TENM4: variants seen among roughly 807,000 people sequenced by gnomAD.
TENM4 encodes teneurin transmembrane protein 4, also known as teneurin-4.
In TENM4, 82 loss-of-function variants were observed where a neutral mutation model predicts 243.3. That is an observed-to-expected ratio of 0.34 (90% CI 0.28 to 0.40). The LOEUF (loss-of-function observed/expected upper bound fraction) is 0.40. Among genes scored for constraint, TENM4 ranks in the 10% least tolerant of loss-of-function variants. The pLI, the probability that TENM4 is intolerant of heterozygous loss-of-function variation, is 1.00. For synonymous variants in TENM4, 1,412 were observed against 1,456.3 expected, an observed-to-expected ratio of 0.97 and a Z score of 0.69; for missense variants, 3,138 against 3,673.3, an observed-to-expected ratio of 0.85 and a Z score of 3.77.
chr11:79,040,326 A>G (rs1859488246), intron 6 of TENM4, among the ~76,000 whole-genome samples: 1 of 152,216 alleles, frequency 6.6e-6, no homozygotes, highest in African/African-American at 2.4e-5. Context: ...CGCTCAGCTC[A>G]GTTTCAACCA....
chr11:78,851,822 A>C (rs1379097004), intron 12 of TENM4, among the ~76,000 whole-genome samples: 3 of 152,216 alleles, frequency 2.0e-5, no homozygotes, highest in Admixed American at 6.5e-5. Flanking sequence ...TGTTAGCCTT[A>C]ATGTCACCAG....
chr11:79,243,316 TGTC>T (rs755427340), intron 2 of TENM4, among the ~76,000 whole-genome samples: 37 of 152,134 alleles, frequency 2.4e-4, no homozygotes, highest in Middle Eastern at 3.2e-3. Context: ...TGGGCTGTCT[TGTC>T]GTTGTACTCG....
At chr11:79,249,944 CA>C (rs1855581417) in intron 2 of TENM4, among the ~76,000 whole-genome samples, 1 of 152,182 alleles carries the variant, frequency 6.6e-6, no homozygotes, top group Non-Finnish European at 1.5e-5. Flanking sequence ...TTTTATTGTG[CA>C]TCAGTGATTC....
chr11:78,943,470 G>T (rs560103617), intron 6 of TENM4, among the ~76,000 whole-genome samples: 1 of 152,284 alleles, frequency 6.6e-6, no homozygotes, highest in Middle Eastern at 3.4e-3. Flanking sequence ...AACAAGTCTG[G>T]TCCCTTCCTA....
At chr11:78,659,043 G>C (rs1015813029) in intron 33 of TENM4, among the ~76,000 whole-genome samples, 1 of 152,126 alleles carries the variant, frequency 6.6e-6, no homozygotes, top group African/African-American at 2.4e-5. Flanking sequence ...AACTGTTCAG[G>C]GGGTATCTAA....
chr11:78,939,963 G>A (rs1304092229), intron 6 of TENM4, among the ~76,000 whole-genome samples: 2 of 151,448 alleles, frequency 1.3e-5, no homozygotes, highest in Non-Finnish European at 2.9e-5. Flanking sequence ...AGACTCTAAA[G>A]TAACATGTTT....
intron 12 of TENM4, among the ~76,000 whole-genome samples, chr11:78,830,025 C>G (rs1303891706): frequency 6.6e-6 from 1 of 152,190 alleles, no homozygotes; most frequent in African/African-American, 2.4e-5. Flanking sequence ...GATGATGTTT[C>G]TTCCGCCTAC....
chr11:78,882,166 G>C (rs539357271), intron 9 of TENM4, among the ~76,000 whole-genome samples: 1 of 152,290 alleles, frequency 6.6e-6, no homozygotes, highest in East Asian at 1.9e-4. Flanking sequence ...CTAGGCCCAA[G>C]TGTAATAGGC....
At chr11:79,290,708 ACTGT>A (rs1220896254) in intron 2 of TENM4, among the ~76,000 whole-genome samples, 3 of 151,944 alleles carry the variant, frequency 2.0e-5, no homozygotes, top group Non-Finnish European at 4.4e-5. Context: ...ACAACAAATG[ACTGT>A]CTTCTTCCTC....
At chr11:79,087,862 C>T (rs1190173163) in intron 4 of TENM4, among the ~76,000 whole-genome samples, 1 of 152,220 alleles carries the variant, frequency 6.6e-6, no homozygotes, top group Non-Finnish European at 1.5e-5. Context: ...CCTCTACAGC[C>T]TCCAGGCTGC....
chr11:78,744,970 A>T (rs1421464804), intron 19 of TENM4, among the ~76,000 whole-genome samples: 1 of 152,200 alleles, frequency 6.6e-6, no homozygotes, highest in South Asian at 2.1e-4. Context: ...GGAGTAGAAG[A>T]AGTATCAGCT....
intron 1 of TENM4, among the ~76,000 whole-genome samples, chr11:79,355,397 G>A (rs1364179861): frequency 2.0e-5 from 3 of 152,290 alleles, no homozygotes; most frequent in African/African-American, 4.8e-5. Flanking sequence ...GCCAGCCGTG[G>A]TGGTGGGCAC....
chr11:78,851,501 T>C (rs970201328), intron 12 of TENM4, among the ~76,000 whole-genome samples: 8 of 152,212 alleles, frequency 5.3e-5, no homozygotes, highest in Admixed American at 1.3e-4. Context: ...TCTTCTGGGG[T>C]TTGATTAATA....
In TENM4 at chr11:79,153,186, C is replaced by T. The variant is rs1180319596; in HGVS notation, c.-162-4380G>A. Among the ~76,000 whole-genome samples, 3 of 152,112 alleles carry T rather than the reference C, an allele frequency of 2.0e-5. No homozygotes were observed. In the East Asian group the frequency reaches 5.8e-4, roughly 29 times the overall value. ...TGTTATGTGTGCCATGAATAACAACCAATTCAAAACCCTTTTATAAAATGT... is the reference window on the plus strand; with the variant it reads ...TGTTATGTGTGCCATGAATAACAACTAATTCAAAACCCTTTTATAAAATGT... On this transcript the variant is annotated intron_variant, in intron 3 of 33. Coordinates refer to ENST00000278550, the MANE Select transcript of TENM4 (RefSeq NM_001098816.3).
chr11:78,816,523 T>C (rs1475515250), intron 12 of TENM4, among the ~76,000 whole-genome samples: 2 of 152,184 alleles, frequency 1.3e-5, no homozygotes, highest in Non-Finnish European at 2.9e-5. Flanking sequence ...AAGGATCTAT[T>C]TGTAGGATAG....
chr11:78,707,740 C>T (rs1859292274), intron 27 of TENM4, among the ~76,000 whole-genome samples: 2 of 152,232 alleles, frequency 1.3e-5, no homozygotes, highest in Non-Finnish European at 2.9e-5. Context: ...CATTCATCAC[C>T]TCTGAAGGGC....
At chr11:79,047,284 T>C (rs1232807121) in intron 6 of TENM4, among the ~76,000 whole-genome samples, 1 of 152,218 alleles carries the variant, frequency 6.6e-6, no homozygotes, top group Non-Finnish European at 1.5e-5. Flanking sequence ...AGGTCACCCA[T>C]CAGATCTACT....
rs1855977981 is a variant in TENM4 at position 78,903,328 on chromosome 11, T to C, written c.689A>G (p.Gln230Arg). The change falls in exon 7 of 34, where the codon CAG becomes CGG. Residue 230 changes from glutamine (Q) to arginine (R), a missense_variant. Coordinates refer to ENST00000278550, the MANE Select transcript of TENM4 (RefSeq NM_001098816.3). ...LSGEPPAGGA[Q>R]EPAHAQENWL... is the part of the protein sequence containing the mutation. ...GTTCTCCTGGGCGTGGGCAGGCTCC[T>C]GGGCGCCGCCGGCAGGGGGCTCTCC... is the stretch of plus-strand genomic sequence containing the variant. The C allele has an allele frequency of 6.7e-7, 1 of 1,482,704 alleles. No homozygotes were observed. Among genetic ancestry groups the C allele is most frequent in the African/African-American group, 1.5e-5 (1 of 68,360 alleles). 91.8% of individuals were successfully genotyped at this position (1,482,704 alleles called of 1,614,324 possible). A position where few individuals can be genotyped will look rare whatever the true frequency, so the allele number is the denominator to read the frequency against.
At chr11:79,183,073 T>C (rs1301246916) in intron 3 of TENM4, among the ~76,000 whole-genome samples, 6 of 152,176 alleles carry the variant, frequency 3.9e-5, no homozygotes, top group Non-Finnish European at 8.8e-5. Flanking sequence ...CCCAAATGAA[T>C]TGAAAACTTA....
Sources: gnomAD v4.1 joint callset for allele counts (sites outside exome capture counted in the v4.1 genomes callset) on GRCh38, gnomAD v4.1.1 for gene constraint, MANE v1.5 for transcripts, NCBI Gene and HGNC (gene_info 2026-07-23, HGNC 2026-07-21) for gene names.